RGS3: variants seen among roughly 807,000 people sequenced by gnomAD.
RGS3 encodes regulator of G-protein signalling 3.
RGS3 carries 80 observed loss-of-function variants against 132.6 expected under a neutral mutation model. That is an observed-to-expected ratio of 0.60 (90% CI 0.50 to 0.73). The LOEUF (loss-of-function observed/expected upper bound fraction) is 0.73. Ranked by LOEUF, RGS3 falls within the 30% of genes least tolerant of loss-of-function variation. The pLI is 0.00. For synonymous variants in RGS3, 598 were observed against 620.6 expected (o/e 0.96, Z 0.54); for missense variants, 1,382 against 1,530.8 (o/e 0.90, Z 1.62).
exon 17 of RGS3, chr9:113,523,011 C>G (rs751209745): frequency 6.2e-7 from 1 of 1,613,750 alleles, no homozygotes; most frequent in East Asian, 2.2e-5. Context: ...GAGGAACCCC[C>G]TCTACCTCCA....
intron 14 of RGS3, among the ~76,000 whole-genome samples, chr9:113,510,685 A>G (rs1013720969): frequency 6.6e-6 from 1 of 152,200 alleles, no homozygotes; most frequent in Non-Finnish European, 1.5e-5. Flanking sequence ...AGTATAATAC[A>G]TAGTAAGTCA....
chr9:113,497,922 C>A lies in RGS3; in HGVS notation c.842-103C>A, dbSNP rs530985419. 13 of 1,163,416 alleles carry A rather than the reference C, an allele frequency of 1.1e-5. No homozygotes were observed. The South Asian group carries it at 1.4e-4, about 12-fold the overall frequency. 72.1% of individuals were successfully genotyped at this position (1,163,416 alleles called of 1,614,324 possible). ...TCCTGAGGCCAGGAGTGGCCCTGGGCAGCCCCATGGGCCTGTTTCCCAGTG... is the reference window on the plus strand; with the variant it reads ...TCCTGAGGCCAGGAGTGGCCCTGGGAAGCCCCATGGGCCTGTTTCCCAGTG... On this transcript the variant is annotated intron_variant, in intron 9 of 24. Coordinates refer to ENST00000350696, the Ensembl canonical transcript of RGS3.
chr9:113,449,640 C>T (rs1471248511), intron 1 of RGS3, among the ~76,000 whole-genome samples: 1 of 152,122 alleles, frequency 6.6e-6, no homozygotes, highest in Non-Finnish European at 1.5e-5. Flanking sequence ...TTATGGTTGA[C>T]ATAGGGATTA....
intron 21 of RGS3, chr9:113,593,607 C>G: frequency 2.6e-6 from 1 of 383,566 alleles, no homozygotes; most frequent in East Asian, 5.1e-5. Context: ...GACTGGATGT[C>G]GCCAATGCAG....
At chr9:113,575,131 A>G (rs1175495820) in intron 19 of RGS3, among the ~76,000 whole-genome samples, 1 of 152,152 alleles carries the variant, frequency 6.6e-6, no homozygotes. Context: ...CCGCCCTGGG[A>G]GAAGCTGGGC....
upstream of RGS3, among the ~76,000 whole-genome samples, chr9:113,458,581 CT>C (rs1463374631): frequency 1.3e-5 from 2 of 151,944 alleles, no homozygotes; most frequent in African/African-American, 4.8e-5. Flanking sequence ...TCTATTTAGC[CT>C]TCATAACATT....
At chr9:113,583,832 C>T (rs747951736) in exon 20 of RGS3, 2 of 1,614,010 alleles carry the variant, frequency 1.2e-6, no homozygotes, top group African/African-American at 1.3e-5. Context: ...CAGGAATCCC[C>T]CACCCGGGAC....
intron 19 of RGS3, chr9:113,541,827 C>T (rs1462480261): frequency 4.0e-6 from 4 of 991,558 alleles, no homozygotes; most frequent in Admixed American, 1.2e-4. Context: ...AGGACATCTC[C>T]GCCCATCCAC....
chr9:113,463,577 C>T lies in RGS3; in HGVS notation c.415+1376C>T, dbSNP rs111873762. The T allele has an allele frequency of 0.048, 18,975 of 394,476 alleles. 574 individuals are homozygous for T. Among genetic ancestry groups the T allele is most frequent in the South Asian group, 0.099 (937 of 9,454 alleles). 24.4% of individuals were successfully genotyped at this position (394,476 alleles called of 1,614,324 possible). ...GCCGTCGCTGCTCAGCGCGGGTCGG[C>T]GGCGCCGCCTCCCCCACCCCGGCCC... On this transcript the variant is annotated intron_variant, in intron 3 of 24. Coordinates refer to ENST00000350696, the Ensembl canonical transcript of RGS3. This position sits in a 1 kb window ranked among gnomAD's most constrained non-coding sequence, Gnocchi z 4.6.
chr9:113,495,812 G>T (rs1460475170), exon 8 of RGS3: 1 of 1,614,196 alleles, frequency 6.2e-7, no homozygotes, highest in Non-Finnish European at 8.5e-7. Context: ...GGCTGCATGA[G>T]CTTTGGGGTG....
intron 19 of RGS3, among the ~76,000 whole-genome samples, chr9:113,551,921 A>T (rs1393834559): frequency 5.9e-5 from 9 of 152,236 alleles, no homozygotes; most frequent in African/African-American, 1.7e-4. Context: ...CCATCAGTAT[A>T]TGAGGGTTCC....
chr9:113,500,493 G>A (rs1830838474), intron 10 of RGS3, among the ~76,000 whole-genome samples: 1 of 152,150 alleles, frequency 6.6e-6, no homozygotes, highest in Non-Finnish European at 1.5e-5. Flanking sequence ...TAGGACCCAG[G>A]TTCTGGTCCT....
chr9:113,587,933 G>A (rs557598726), intron 20 of RGS3, among the ~76,000 whole-genome samples: 3 of 152,232 alleles, frequency 2.0e-5, no homozygotes. Context: ...CTGCTCCCTG[G>A]AGGCCCTGCA....
intron 16 of RGS3, among the ~76,000 whole-genome samples, chr9:113,521,550 TAGAC>T (rs144875777): frequency 1.3e-5 from 2 of 152,364 alleles, no homozygotes; most frequent in African/African-American, 4.8e-5. Context: ...TGATTTACGA[TAGAC>T]AGATTTCTAT....
chr9:113,514,365 G>A, intron 14 of RGS3, 93 bp from the exon 13 acceptor site: 5 of 1,146,946 alleles, frequency 4.4e-6, no homozygotes, highest in Non-Finnish European at 6.3e-6. Flanking sequence ...AGTGGTTGTT[G>A]ACGGAATGAG....
Position 113,463,943 on chromosome 9 carries a change from G to A in RGS3, c.415+1742G>A, listed in dbSNP as rs569288593. ...CACCCTGCTCCCAGCGCCCAGAAAC[G>A]CAGCCCCTCGTGGTGACAGGGGAGG... On this transcript the variant is annotated intron_variant, in intron 3 of 24. Transcript: ENST00000350696. The surrounding 1 kb of genome is among the most constrained non-coding windows in gnomAD (Gnocchi z 4.6). The A allele has an allele frequency of 9.6e-6, 15 of 1,569,210 alleles. No homozygotes were observed. In the African/African-American group the frequency reaches 1.2e-4, roughly 13 times the overall value.
chr9:113,459,328 A>G (rs1428622930), upstream of RGS3, among the ~76,000 whole-genome samples: 1 of 152,198 alleles, frequency 6.6e-6, no homozygotes, highest in Non-Finnish European at 1.5e-5. Flanking sequence ...TATTTTATCT[A>G]TAGTTAGTGA....
chr9:113,543,240 G>A (rs935764472), intron 19 of RGS3, among the ~76,000 whole-genome samples: 8 of 152,222 alleles, frequency 5.3e-5, no homozygotes, highest in African/African-American at 1.9e-4. Context: ...TAAGACCTCG[G>A]CATCTTTAGA....
chr9:113,497,114 G>A (rs1481256630), intron 8 of RGS3, among the ~76,000 whole-genome samples, 200 bp from the exon 7 acceptor site: 1 of 152,210 alleles, frequency 6.6e-6, no homozygotes, highest in Non-Finnish European at 1.5e-5. Context: ...ATTTGGCAGA[G>A]GGGAGAGCCA....
Sources: gnomAD v4.1 joint callset for allele counts (sites outside exome capture counted in the v4.1 genomes callset) on GRCh38, gnomAD v4.1.1 for gene constraint, Gnocchi (gnomAD v3.1) non-coding constraint, MANE v1.5 for transcripts, NCBI Gene and HGNC (gene_info 2026-07-23, HGNC 2026-07-21) for gene names.